The following CD8B2 variants were observed in gnomAD, a reference collection of about 807,000 sequenced individuals.
CD8B2 encodes the protein T-cell surface glycoprotein CD8 beta-2 chain.
In CD8B2, 11 loss-of-function variants were observed where a neutral mutation model predicts 23.7. The ratio of observed to expected loss-of-function variants is 0.46; its 90% CI spans 0.29 to 0.77. The LOEUF (loss-of-function observed/expected upper bound fraction) is 0.77. Among genes scored for constraint, CD8B2 ranks in the 30% least tolerant of loss-of-function variants. The pLI, the probability that CD8B2 is intolerant of heterozygous loss-of-function variation, is 0.09. For synonymous variants in CD8B2, 90 were observed against 109.3 expected (o/e 0.82, Z 1.10); for missense variants, 197 against 270.5 (o/e 0.73, Z 1.91).
chr2:106,498,555 G>T (rs1189402933), intron 3 of CD8B2, among the ~76,000 whole-genome samples: 1 of 152,200 alleles, frequency 6.6e-6, no homozygotes, highest in Non-Finnish European at 1.5e-5. Flanking sequence ...AGGTGACCTA[G>T]TGGAGTAAGG....
At chr2:106,521,575 A>T (rs891056359) in intron 5 of CD8B2, 1 of 152,182 alleles carries the variant, frequency 6.6e-6, no homozygotes, top group Admixed American at 6.5e-5. Context: ...GATAAATCCC[A>T]CAAGAGAAGT....
chr2:106,506,359 G>A (rs190274493), intron 5 of CD8B2, among the ~76,000 whole-genome samples: 1 of 152,114 alleles, frequency 6.6e-6, no homozygotes, highest in African/African-American at 2.4e-5. Flanking sequence ...CTGGGTGGTC[G>A]TGGGGGGACC....
chr2:106,528,898 G>A (rs1413641507), intron 5 of CD8B2, among the ~76,000 whole-genome samples: 2 of 152,194 alleles, frequency 1.3e-5, no homozygotes, highest in Admixed American at 1.3e-4. Flanking sequence ...GTAGGTTGTG[G>A]CAGAGACAGT....
chr2:106,515,909 A>G (rs1233397795), downstream of CD8B2, among the ~76,000 whole-genome samples: 1 of 150,404 alleles, frequency 6.6e-6, no homozygotes, highest in Non-Finnish European at 1.5e-5. Context: ...TGCAACCTCT[A>G]CCTCCAGGGT....
intron 5 of CD8B2, among the ~76,000 whole-genome samples, chr2:106,541,974 G>A (rs565599354): frequency 1.3e-5 from 2 of 152,252 alleles, no homozygotes; most frequent in African/African-American, 2.4e-5. Flanking sequence ...TTCACTCTCT[G>A]GCGGGACCAC....
chr2:106,523,081 A>G (rs1468387891), intron 5 of CD8B2, among the ~76,000 whole-genome samples: 1 of 152,168 alleles, frequency 6.6e-6, no homozygotes, highest in East Asian at 1.9e-4. Flanking sequence ...CTCAAACCCA[A>G]CTGGCAAGGG....
At chr2:106,503,150 A>G (rs1679445269) in intron 4 of CD8B2, among the ~76,000 whole-genome samples, 1 of 151,344 alleles carries the variant, frequency 6.6e-6, no homozygotes, top group African/African-American at 2.4e-5. Context: ...CACAAGAAAG[A>G]CGGGGAGCCG....
In CD8B2 at chr2:106,487,413, C is replaced by A; in HGVS notation, c.-14C>A. On this transcript the variant is annotated 5_prime_UTR_variant, in exon 1 of 6. Coordinates refer to ENST00000643224, the MANE Select transcript of CD8B2 (RefSeq NM_001349727.2). ...CGCCGAGCCCCCGGGGCCAGGTGTC[C>A]CGGGCGCGCCCCGATGCGGCCGCGG... is the stretch of plus-strand genomic sequence containing the variant. 1 of 1,237,090 alleles carries A rather than the reference C, an allele frequency of 8.1e-7. No individual in the cohort carries two copies. The highest frequency in any genetic ancestry group is 3.7e-5 in the South Asian group (1 of 26,820). 76.6% of individuals were successfully genotyped at this position (1,237,090 alleles called of 1,614,324 possible).
intron 5 of CD8B2, among the ~76,000 whole-genome samples, chr2:106,534,398 G>A (rs1435782383): frequency 1.3e-5 from 2 of 152,104 alleles, no homozygotes; most frequent in African/African-American, 2.4e-5. Flanking sequence ...AAGATCCGAT[G>A]CCAACAACAA....
intron 2 of CD8B2, among the ~76,000 whole-genome samples, chr2:106,495,297 C>T (rs1192457763): frequency 2.0e-5 from 3 of 152,078 alleles, no homozygotes; most frequent in South Asian, 4.2e-4. Flanking sequence ...TTTTGGAGCC[C>T]GAGGTGAGTG....
chr2:106,537,312 C>A (rs1573353400), intron 5 of CD8B2, among the ~76,000 whole-genome samples: 1 of 152,162 alleles, frequency 6.6e-6, no homozygotes. Context: ...AGACAACTTT[C>A]ATTTCCCTAA....
chr2:106,543,455 C>A (rs1318648000), intron 5 of CD8B2, among the ~76,000 whole-genome samples: 2 of 152,164 alleles, frequency 1.3e-5, no homozygotes, highest in Non-Finnish European at 2.9e-5. Flanking sequence ...TGCTTGAACC[C>A]GGAAGTTGAG....
At chr2:106,522,215 G>T (rs970900323) in intron 5 of CD8B2, 2 of 151,992 alleles carry the variant, frequency 1.3e-5, no homozygotes, top group Non-Finnish European at 2.9e-5. Flanking sequence ...TTAAATTTAT[G>T]GCTCTCCTCT....
intron 4 of CD8B2, among the ~76,000 whole-genome samples, chr2:106,503,279 C>G (rs1055492320): frequency 6.6e-6 from 1 of 152,172 alleles, no homozygotes; most frequent in Admixed American, 6.5e-5. Context: ...ATAAAGTGGG[C>G]AGGTGGGACA....
intron 5 of CD8B2, among the ~76,000 whole-genome samples, chr2:106,537,121 A>G (rs891907042): frequency 9.9e-5 from 15 of 152,162 alleles, no homozygotes; most frequent in Middle Eastern, 3.2e-3. Context: ...CCGATGTGGG[A>G]GAGGAAGACA....
chr2:106,519,788 G>C (rs1455159933), intron 5 of CD8B2, among the ~76,000 whole-genome samples: 1 of 152,062 alleles, frequency 6.6e-6, no homozygotes, highest in Non-Finnish European at 1.5e-5. Flanking sequence ...TGCTAAAAAA[G>C]AAAAAAATTG....
chr2:106,533,251 G>A (rs1680018494), intron 5 of CD8B2, among the ~76,000 whole-genome samples: 1 of 152,144 alleles, frequency 6.6e-6, no homozygotes, highest in African/African-American at 2.4e-5. Flanking sequence ...GGTCATCTGG[G>A]CAGCACTTGC....
chr2:106,491,776 T>C (rs1486429944), intron 2 of CD8B2, among the ~76,000 whole-genome samples: 1 of 152,226 alleles, frequency 6.6e-6, no homozygotes, highest in Non-Finnish European at 1.5e-5. Flanking sequence ...CTCGAACTCC[T>C]GACCTCAAGT....
downstream of CD8B2, among the ~76,000 whole-genome samples, chr2:106,511,243 C>G (rs578012852): frequency 2.0e-4 from 30 of 152,290 alleles, no homozygotes; most frequent in African/African-American, 6.3e-4. Context: ...CAGCTGTAGA[C>G]TTTGGGCGAG....
Sources: allele counts gnomAD v4.1 joint callset (sites outside exome capture counted in the v4.1 genomes callset), GRCh38; gene constraint gnomAD v4.1.1; transcripts MANE v1.5; gene names NCBI Gene and HGNC (gene_info 2026-07-23, HGNC 2026-07-21).